Variants in SRCAP observed in about 807,000 individuals in gnomAD.
SRCAP encodes the protein chromatin remodeling protein SRCAP.
Under a neutral mutation model 263.1 loss-of-function variants are expected in SRCAP, and 46 were observed. The ratio of observed to expected loss-of-function variants is 0.17; its 90% CI spans 0.14 to 0.22. SRCAP has a LOEUF of 0.22. SRCAP is among the 10% of genes least tolerant of loss of function. The probability of loss-of-function intolerance (pLI) is 1.00; values close to 1 mark genes in which losing one functional copy is unlikely to be tolerated. For synonymous variants in SRCAP, 1,813 were observed against 1,662.1 expected, an observed-to-expected ratio of 1.09 and a Z score of -2.21; for missense variants, 3,695 against 4,181.9, an observed-to-expected ratio of 0.88 and a Z score of 3.21.
intron 4 of SRCAP, among the ~76,000 whole-genome samples, chr16:30,706,313 C>T (rs1295848435): frequency 2.0e-5 from 3 of 152,120 alleles, no homozygotes; most frequent in Non-Finnish European, 4.4e-5. Flanking sequence ...AAAAAATTAG[C>T]TGGGCATGGT....
chr16:30,725,359 C>A, intron 25 of SRCAP: 1 of 444,970 alleles, frequency 2.2e-6, no homozygotes, highest in Non-Finnish European at 3.9e-6. Flanking sequence ...AATAAATGGG[C>A]AGTAAAAGGA....
In SRCAP at chr16:30,722,203, C is replaced by A. The variant is rs1039936485; in HGVS notation, c.3623C>A (p.Thr1208Asn). 2 of 1,614,178 alleles carry A rather than the reference C, an allele frequency of 1.2e-6. No homozygotes were observed. Among genetic ancestry groups the A allele is most frequent in the Non-Finnish European group, 1.7e-6 (2 of 1,180,044 alleles). The change falls in exon 22 of 34, where the codon ACC becomes AAC. Residue 1208 changes from threonine to asparagine, a missense_variant. Thr to Asn is a moderately conservative substitution (Grantham distance 65, BLOSUM62 0). This residue lies in a region of SRCAP where 1,347 missense variants were observed against 1,304.4 expected (regional missense o/e 1.03). Transcript: ENST00000262518. Reference protein sequence around the residue: ...VANAGGSKPLTFQIQGNKLTL... With the variant: ...VANAGGSKPLNFQIQGNKLTL... ...AATGCAGGGGGAAGCAAACCTCTCA[C>A]CTTCCAAATCCAGGGCAACAAGCTG... is the stretch of plus-strand genomic sequence containing the variant.
chr16:30,707,590 C>T lies in SRCAP; in HGVS notation c.511C>T (p.Arg171Trp), dbSNP rs1199558797. 6.2e-7 allele frequency: 1 copy of T among 1,613,174 alleles called. No individual in the cohort carries two copies. Among genetic ancestry groups the T allele is most frequent in the Non-Finnish European group, 8.5e-7 (1 of 1,179,602 alleles). Residue 171 changes from arginine (R) to tryptophan (W), a missense_variant, in exon 6 of 34, where the codon CGG becomes TGG. Physicochemically the swap from Arg to Trp is moderately radical, Grantham distance 101. Transcript: ENST00000262518. ...CCCACAGGTGGTGCGCATGGTGATC[C>T]GGCACCACGAGGAGCAGCGGCAGAA... ...VARKVVRMVIRHHEEQRQKEE... is the reference protein window; with the variant it reads ...VARKVVRMVIWHHEEQRQKEE...
At chr16:30,710,661 C>T in intron 8 of SRCAP, 93 bp from the exon 9 acceptor site, 3 of 1,257,768 alleles carry the variant, frequency 2.4e-6, no homozygotes, top group Non-Finnish European at 3.5e-6. Flanking sequence ...CTCAATGGGA[C>T]AGTGATTCTC....
chr16:30,707,824 C>A, intron 6 of SRCAP, 112 bp downstream of exon 6: 3 of 1,374,402 alleles, frequency 2.2e-6, no homozygotes, highest in Admixed American at 2.1e-5. Context: ...TCAGGCAACT[C>A]TAATGACGTT....
chr16:30,711,171 C>G (rs2052887265), intron 10 of SRCAP, 83 bp downstream of exon 10: 1 of 1,030,696 alleles, frequency 9.7e-7, no homozygotes, highest in East Asian at 2.6e-5. Context: ...GAATAAGGCA[C>G]TTTGTATCCA....
At position 30,711,551 on chromosome 16, in the gene SRCAP, G is replaced by T. The variant is rs751825744; in HGVS notation, c.1319-20G>T. The stretch of plus-strand genomic sequence containing the variant: ...CTCCCTCCCCTCAGAGCAACCAAAA[G>T]CTTTTTGTTTCTCTTCCAGGTGAGC... On this transcript the variant is annotated intron_variant, in intron 10 of 33. Coordinates refer to ENST00000262518, the MANE Select transcript of SRCAP (RefSeq NM_006662.3). The T allele has an allele frequency of 6.4e-7, 1 of 1,566,412 alleles. No homozygotes were observed. The highest frequency in any genetic ancestry group is 2.2e-5 in the East Asian group (1 of 44,570).
intron 10 of SRCAP, 85 bp from the exon 11 acceptor site, chr16:30,711,486 A>G (rs777960694): frequency 1.3e-4 from 174 of 1,372,766 alleles, no homozygotes; most frequent in Non-Finnish European, 1.6e-4. Context: ...ATCTACAGAG[A>G]CCTAGGTAAA....
At chr16:30,711,381 T>C (rs1171409698) in intron 10 of SRCAP, among the ~76,000 whole-genome samples, 190 bp from the exon 11 acceptor site, 1 of 152,176 alleles carries the variant, frequency 6.6e-6, no homozygotes, top group Non-Finnish European at 1.5e-5. Context: ...TCTTCCCAAT[T>C]CCCATGGTAC....
rs891678537 is a variant in SRCAP, at chr16:30,739,787, G to A, written c.*54G>A. The A allele has an allele frequency of 2.8e-6, 4 of 1,443,906 alleles. No individual in the cohort carries two copies. The highest frequency in any genetic ancestry group is 5.1e-4 in the Middle Eastern group (2 of 3,888). The allele number at this position is 1,443,906 out of a possible 1,614,324, so 89.4% of individuals were successfully genotyped here. ...ACCGTGGCCACTCCCTCCATGACCAGGCCTGACTCTGTTAACCACTACTTG... is the reference window on the plus strand; with the variant it reads ...ACCGTGGCCACTCCCTCCATGACCAAGCCTGACTCTGTTAACCACTACTTG... On this transcript the variant is annotated 3_prime_UTR_variant, in exon 34 of 34. Transcript: ENST00000262518.
chr16:30,706,501 C>CA (rs1433749970), intron 4 of SRCAP, among the ~76,000 whole-genome samples: 1 of 151,842 alleles, frequency 6.6e-6, no homozygotes, highest in African/African-American at 2.4e-5. Context: ...TCGTCTCTGT[C>CA]AAAAAAATTT....
rs372357659 is a variant in SRCAP at position 30,738,853 on chromosome 16, G to A, written c.8813G>A (p.Arg2938Lys). ...NPLLSPVEKR[R>K]RGRPPKARDL... ...CTCCTGTCACCTGTGGAGAAAAGAA[G>A]GCGAGGACGACCCCCTAAAGCACGA... is the stretch of plus-strand genomic sequence containing the variant. The change falls in exon 34 of 34, where the codon AGG (arginine) becomes AAG (lysine). Residue 2938 changes from arginine to lysine, a missense_variant. Physicochemically the swap from Arg to Lys is conservative, Grantham distance 26. Transcript: ENST00000262518. The A allele has an allele frequency of 6.8e-6, 11 of 1,614,040 alleles. No homozygotes were observed. The highest frequency in any genetic ancestry group is 1.3e-5 in the African/African-American group (1 of 74,918).
chr16:30,720,013 T>C (rs2052994470), intron 18 of SRCAP, 149 bp from the exon 19 acceptor site: 3 of 826,906 alleles, frequency 3.6e-6, no homozygotes, highest in Non-Finnish European at 5.8e-6. Flanking sequence ...TACCCAATGT[T>C]TAGCTCCCAC....
At chr16:30,736,176 T>G in intron 31 of SRCAP, 24 bp from the exon 32 acceptor site, 2 of 1,612,414 alleles carry the variant, frequency 1.2e-6, no homozygotes, top group Non-Finnish European at 1.7e-6. Context: ...TCATGTTTTC[T>G]TTTTCTTTTA....
intron 4 of SRCAP, 36 bp from the exon 5 acceptor site, chr16:30,707,147 T>G: frequency 2.5e-6 from 4 of 1,608,404 alleles, no homozygotes; most frequent in Non-Finnish European, 3.4e-6. Context: ...GAGTGTGTGT[T>G]TAGAACTGTT....
chr16:30,731,602 A>T (rs946957557), intron 27 of SRCAP, among the ~76,000 whole-genome samples: 6 of 152,362 alleles, frequency 3.9e-5, no homozygotes, highest in Non-Finnish European at 7.3e-5. Flanking sequence ...GTGGTGACTC[A>T]TACTTGTAAT....
chr16:30,739,761 C>A lies in SRCAP; in HGVS notation c.*28C>A. The A allele has an allele frequency of 6.9e-7, 1 of 1,452,602 alleles. No individual in the cohort carries two copies. 90.0% of individuals were successfully genotyped at this position (1,452,602 alleles called of 1,614,324 possible). A position where few individuals can be genotyped will look rare whatever the true frequency, so the allele number is the denominator to read the frequency against. ...GGGCTGCCCCTCCACCTAGGCTTTC[C>A]ACCGTGGCCACTCCCTCCATGACCA... On this transcript the variant is annotated 3_prime_UTR_variant, in exon 34 of 34. Coordinates refer to ENST00000262518, the MANE Select transcript of SRCAP (RefSeq NM_006662.3).
rs1439590376 is a variant in SRCAP, at chr16:30,739,333, A to G, written c.9293A>G (p.Asp3098Gly). ...AVIQDDLDLA[D>G]SGPGGLELTP... ...ATTCAGGATGACCTGGACTTAGCAG[A>G]TAGCGGGCCAGGCGGGTTGGAATTG... is the stretch of plus-strand genomic sequence containing the variant. Residue 3098 changes from aspartate (D) to glycine (G), a missense_variant, in exon 34 of 34, where the codon GAT (aspartate) becomes GGT (glycine). By Grantham distance (94) the Asp-to-Gly change is moderately conservative. This residue lies in a region of SRCAP where 1,207 missense variants were observed against 1,142.9 expected (regional missense o/e 1.06). Transcript: ENST00000262518. 6.2e-7 allele frequency: 1 copy of G among 1,614,160 alleles called. No individual in the cohort carries two copies. The highest frequency in any genetic ancestry group is 1.7e-5 in the Admixed American group (1 of 60,026).
In SRCAP at chr16:30,710,837, C is replaced by T. The variant is rs755397243; in HGVS notation, c.1218C>T (p.Asn406=). Residue 406 remains asparagine (N), a synonymous_variant, in exon 9 of 34, where the codon AAC becomes AAT. Coordinates refer to ENST00000262518, the MANE Select transcript of SRCAP (RefSeq NM_006662.3). ...PDEDDEEFTA[N]EEEAEDEEDT... Reference sequence around the variant, plus strand: ...AAGATGATGAAGAGTTTACTGCCAACGAAGAGGAAGGTCAGGGCTGTTCGG... The same window carrying T: ...AAGATGATGAAGAGTTTACTGCCAATGAAGAGGAAGGTCAGGGCTGTTCGG... 1.1e-5 allele frequency: 17 copies of T among 1,614,050 alleles called. No individual in the cohort carries two copies. The highest frequency in any genetic ancestry group is 6.7e-5 in the East Asian group (3 of 44,906).
Sources: gnomAD v4.1 joint callset for allele counts (sites outside exome capture counted in the v4.1 genomes callset) on GRCh38, gnomAD v4.1.1 for gene constraint, gnomAD v4.1.1 regional missense constraint, MANE v1.5 for transcripts, NCBI Gene and HGNC (gene_info 2026-07-23, HGNC 2026-07-21) for gene names.